The following CDC42BPA variants were observed in gnomAD, a reference collection of about 807,000 sequenced individuals.
CDC42BPA encodes CDC42 binding protein kinase alpha.
In CDC42BPA, 80 loss-of-function variants were observed where a neutral mutation model predicts 223.5. The observed-to-expected ratio is 0.36, with a 90% confidence interval of 0.30 to 0.43. The LOEUF is 0.43. Among genes scored for constraint, CDC42BPA ranks in the 20% least tolerant of loss-of-function variants. The pLI is 1.00. For synonymous variants in CDC42BPA, 694 were observed against 718.6 expected (o/e 0.97, Z 0.55); for missense variants, 1,743 against 2,099.9 (o/e 0.83, Z 3.32).
chr1:227,301,362 A>C (rs201401080), intron 1 of CDC42BPA, among the ~76,000 whole-genome samples: 1 of 109,986 alleles, frequency 9.1e-6, no homozygotes, highest in Non-Finnish European at 2.0e-5. Context: ...GGATGTAGAC[A>C]TTTTTTTTTT....
At chr1:227,285,760 G>A (rs1056348123) in intron 1 of CDC42BPA, among the ~76,000 whole-genome samples, 6 of 152,140 alleles carry the variant, frequency 3.9e-5, no homozygotes, top group African/African-American at 1.2e-4. Context: ...GTAAAAAAAG[G>A]AGCCACCTCA....
At chr1:227,102,201 G>A (rs900370926) in intron 14 of CDC42BPA, among the ~76,000 whole-genome samples, 11 of 152,120 alleles carry the variant, frequency 7.2e-5, no homozygotes, top group Admixed American at 3.3e-4. Flanking sequence ...AAAATACCCT[G>A]ACTCCTTCAT....
chr1:227,135,855 CAAAAAAAAAAAAAAAAAAAA>C (rs1175091904), intron 10 of CDC42BPA, among the ~76,000 whole-genome samples: 6 of 6,574 alleles, frequency 9.1e-4, no homozygotes, highest in Admixed American at 4.8e-3. Context: ...CTCTGTCTCC[CAAAAAAAAAAAAAAAAAAAA>C]AAAAAAAAAA....
At chr1:227,212,092 G>T (rs1391229610) in intron 3 of CDC42BPA, among the ~76,000 whole-genome samples, 1 of 150,190 alleles carries the variant, frequency 6.7e-6, no homozygotes, top group African/African-American at 2.4e-5. Flanking sequence ...TTGTTTGTTT[G>T]TTTTTTTTAG....
chr1:227,205,280 AAAAATAT>A (rs756269287), intron 3 of CDC42BPA, among the ~76,000 whole-genome samples: 19,640 of 73,970 alleles, frequency 0.27, 1,456 homozygotes, highest in Non-Finnish European at 0.31. Context: ...AAAAAAAAAA[AAAAATAT>A]ATATATATAT....
chr1:227,129,422 C>G (rs1656520330), intron 10 of CDC42BPA, among the ~76,000 whole-genome samples, 191 bp from the exon 11 acceptor site: 1 of 151,884 alleles, frequency 6.6e-6, no homozygotes, highest in African/African-American at 2.4e-5. Context: ...AATCCCAGCA[C>G]TTTGGGAGGC....
intron 15 of CDC42BPA, among the ~76,000 whole-genome samples, chr1:227,092,204 C>G (rs1306642485): frequency 6.6e-6 from 1 of 152,168 alleles, no homozygotes; most frequent in African/African-American, 2.4e-5. Flanking sequence ...TTTGTTCATT[C>G]ATTTACCAAC....
chr1:227,084,699 C>G (rs1681459757), intron 16 of CDC42BPA, among the ~76,000 whole-genome samples: 1 of 151,990 alleles, frequency 6.6e-6, no homozygotes. Flanking sequence ...GATTACTCAA[C>G]TTTGATGAAG....
At chr1:226,995,033 T>C in intron 35 of CDC42BPA, 53 bp from the exon 36 acceptor site, 4 of 1,522,516 alleles carry the variant, frequency 2.6e-6, no homozygotes, top group Non-Finnish European at 3.6e-6. Flanking sequence ...GACAATACTC[T>C]AGAAAGCACA....
At chr1:227,034,916 T>A in intron 25 of CDC42BPA, 122 bp from the exon 26 acceptor site, 2 of 822,172 alleles carry the variant, frequency 2.4e-6, no homozygotes, top group Non-Finnish European at 3.6e-6. Context: ...AAGTCTGCCA[T>A]TCTGGTTGGT....
At chr1:227,247,588 A>G (rs1572617765) in intron 2 of CDC42BPA, among the ~76,000 whole-genome samples, 1 of 152,052 alleles carries the variant, frequency 6.6e-6, no homozygotes, top group East Asian at 2.0e-4. Flanking sequence ...CACAGATTAA[A>G]ATAATTAAAA....
chr1:227,132,268 T>C (rs768196201), intron 10 of CDC42BPA, among the ~76,000 whole-genome samples: 53 of 152,170 alleles, frequency 3.5e-4, no homozygotes, highest in Non-Finnish European at 5.9e-4. Context: ...GCCTGCCGAG[T>C]GCCTCAGGCG....
At chr1:227,108,600 A>G (rs1686341545) in intron 14 of CDC42BPA, among the ~76,000 whole-genome samples, 1 of 152,092 alleles carries the variant, frequency 6.6e-6, no homozygotes, top group Admixed American at 6.6e-5. Flanking sequence ...AGTTCTATAT[A>G]TGGTTGTCTC....
rs1451542235 is a variant in CDC42BPA, at chr1:226,993,386, C to T, written c.*882G>A. 6.6e-6 allele frequency: 1 copy of T among 152,250 alleles called. No individual in the cohort carries two copies. The highest frequency in any genetic ancestry group is 2.4e-5 in the African/African-American group (1 of 41,454). 9.4% of individuals were successfully genotyped at this position (152,250 alleles called of 1,614,324 possible). On this transcript the variant is annotated 3_prime_UTR_variant, in exon 37 of 37. Transcript: ENST00000366766. The stretch of plus-strand genomic sequence containing the variant: ...AACATCTTGGGTAGAGATGAGTTCG[C>T]CTTTTGCTGCTGCTGCTGAAGTGGC...
At chr1:227,281,244 G>A (rs10916113) in intron 1 of CDC42BPA, among the ~76,000 whole-genome samples, 6 of 152,088 alleles carry the variant, frequency 3.9e-5, no homozygotes, top group African/African-American at 9.7e-5. Flanking sequence ...ACGCTTTCTC[G>A]TGATTGGCTG....
intron 11 of CDC42BPA, among the ~76,000 whole-genome samples, chr1:227,127,360 A>G (rs1656038666): frequency 6.6e-6 from 1 of 152,224 alleles, no homozygotes; most frequent in Non-Finnish European, 1.5e-5. Context: ...CATAACAACT[A>G]GATTGTTGAT....
intron 21 of CDC42BPA, chr1:227,059,498 G>C (rs886500220): frequency 4.1e-6 from 5 of 1,207,648 alleles, no homozygotes; most frequent in Non-Finnish European, 6.0e-6. Context: ...AACAGACAAA[G>C]TATATAAACA....
At chr1:227,023,426 C>T (rs1667731321) in intron 31 of CDC42BPA, 79 bp from the exon 32 acceptor site, 1 of 683,620 alleles carries the variant, frequency 1.5e-6, no homozygotes, top group East Asian at 2.9e-5. Flanking sequence ...GCTTATAAAG[C>T]ACACCTTATT....
chr1:227,308,575 A>C (rs1408315750), intron 1 of CDC42BPA, among the ~76,000 whole-genome samples: 1 of 152,048 alleles, frequency 6.6e-6, no homozygotes, highest in Non-Finnish European at 1.5e-5. Context: ...ATCACCAGAA[A>C]AGGAAGAATC....
Sources: gnomAD v4.1 joint callset for allele counts (sites outside exome capture counted in the v4.1 genomes callset) on GRCh38, gnomAD v4.1.1 for gene constraint, MANE v1.5 for transcripts, NCBI Gene and HGNC (gene_info 2026-07-23, HGNC 2026-07-21) for gene names.